MGA: variants seen among roughly 807,000 people sequenced by gnomAD.
MGA encodes MAX dimerization protein MGA.
A neutral mutation model predicts 261.1 loss-of-function variants in MGA; 40 were observed. The observed-to-expected ratio is 0.15, with a 90% confidence interval of 0.12 to 0.20. MGA has a LOEUF of 0.20. Among genes scored for constraint, MGA ranks in the 10% least tolerant of loss-of-function variants. The probability of loss-of-function intolerance (pLI) is 1.00; values close to 1 mark genes in which losing one functional copy is unlikely to be tolerated. For synonymous variants in MGA, 1,302 were observed against 1,290.6 expected (o/e 1.01, Z -0.19); for missense variants, 3,397 against 3,630.5 (o/e 0.94, Z 1.65).
Position 41,707,962 on chromosome 15 carries a change from G to A in MGA, c.2320+103G>A, listed in dbSNP as rs2060201958. The A allele has an allele frequency of 5.6e-6, 8 of 1,421,328 alleles. No individual in the cohort carries two copies. The Admixed American group carries it at 1.9e-4, about 34-fold the overall frequency. The allele number at this position is 1,421,328 out of a possible 1,614,324, so 88.0% of individuals were successfully genotyped here. The stretch of plus-strand genomic sequence containing the variant: ...CCTTTATTGGTGACATTTAACATTA[G>A]TCTAAGATAGATCTTTTGTCTGTTG... On this transcript the variant is annotated intron_variant, in intron 6 of 23. Coordinates refer to ENST00000219905, the MANE Select transcript of MGA (RefSeq NM_001164273.2).
Position 41,749,652 on chromosome 15 carries a change from T to C in MGA, c.6045T>C (p.Ala2015=), listed in dbSNP as rs1219647903. ...TAATAAAACAAAACTCAGGAGCTGC[T>C]ACCTCAGAAGAAACTCTGAATGATT... is the stretch of plus-strand genomic sequence containing the variant. Residue 2015 remains alanine (A), a synonymous_variant, in exon 17 of 24, where the codon GCT becomes GCC. Coordinates refer to ENST00000219905, the MANE Select transcript of MGA (RefSeq NM_001164273.2). 6.2e-7 allele frequency: 1 copy of C among 1,614,026 alleles called. No homozygotes were observed. Among genetic ancestry groups the C allele is most frequent in the Admixed American group, 1.7e-5 (1 of 60,020 alleles).
intron 15 of MGA, among the ~76,000 whole-genome samples, chr15:41,747,841 A>G (rs2062594289): frequency 1.3e-5 from 2 of 152,176 alleles, no homozygotes; most frequent in African/African-American, 2.4e-5. Context: ...ATTTTTTACC[A>G]TTCTAAATGT....
chr15:41,714,500 T>A (rs1227352378), intron 9 of MGA, among the ~76,000 whole-genome samples: 1 of 152,200 alleles, frequency 6.6e-6, no homozygotes, highest in African/African-American at 2.4e-5. Flanking sequence ...ATGCCAGTAG[T>A]CAGATACTGG....
At chr15:41,697,125 T>C (rs1426656582) in intron 3 of MGA, 102 bp downstream of exon 3, 4 of 1,034,678 alleles carry the variant, frequency 3.9e-6, no homozygotes, top group Non-Finnish European at 5.4e-6. Context: ...TTGTGATATC[T>C]ATTTGTGAGG....
intron 11 of MGA, among the ~76,000 whole-genome samples, chr15:41,730,114 G>A (rs747627678): frequency 4.6e-5 from 7 of 152,038 alleles, no homozygotes; most frequent in South Asian, 2.1e-4. Context: ...GGCTGGTCTC[G>A]AACTCCTGAC....
intron 19 of MGA, among the ~76,000 whole-genome samples, chr15:41,759,012 A>G (rs1442531007): frequency 6.6e-6 from 1 of 152,198 alleles, no homozygotes; most frequent in Non-Finnish European, 1.5e-5. Context: ...AAAATGTGAG[A>G]ATACAAATGA....
intron 13 of MGA, among the ~76,000 whole-genome samples, chr15:41,737,565 CTG>C (rs1421379368): frequency 6.6e-6 from 1 of 152,114 alleles, no homozygotes; most frequent in African/African-American, 2.4e-5. Context: ...GTTAGTGTAA[CTG>C]TTGTAGGACA....
intron 9 of MGA, 125 bp downstream of exon 9, chr15:41,713,621 T>C (rs2060487490): frequency 8.7e-7 from 1 of 1,143,472 alleles, no homozygotes; most frequent in Admixed American, 2.9e-5. Context: ...GACTTCTTAT[T>C]ATCCTTACAT....
chr15:41,671,427 G>A (rs1415536287), intron 2 of MGA, among the ~76,000 whole-genome samples: 1 of 151,886 alleles, frequency 6.6e-6, no homozygotes. Context: ...AGGTTCAAGC[G>A]ATTCTCCTGC....
chr15:41,722,760 G>A (rs2061020932), intron 9 of MGA, among the ~76,000 whole-genome samples: 1 of 152,184 alleles, frequency 6.6e-6, no homozygotes, highest in South Asian at 2.1e-4. Context: ...GGCAGTTCTT[G>A]TAGGTCTTCT....
intron 1 of MGA, among the ~76,000 whole-genome samples, chr15:41,661,419 T>G (rs1025851472): frequency 6.7e-6 from 1 of 150,096 alleles, no homozygotes; most frequent in Non-Finnish European, 1.5e-5. Context: ...AGGGATCGTT[T>G]CAGACTGGGT....
In MGA at chr15:41,745,982, A is replaced by G. The variant is rs559500152; in HGVS notation, c.5213-2655A>G. Among the ~76,000 whole-genome samples the G allele has an allele frequency of 3.9e-5, 6 of 152,250 alleles. No individual in the cohort carries two copies. In the South Asian group the frequency reaches 1.2e-3, roughly 32 times the overall value. On this transcript the variant is annotated intron_variant, in intron 15 of 23. Transcript: ENST00000219905. ...TGACTCAGGTAACTGCTACTTAAGG[A>G]AGTGTGTGTAATTTTTTTCTCTATT...
Position 41,698,949 on chromosome 15 carries a change from A to G in MGA, c.2092+8A>G, listed in dbSNP as rs752968991. 29 of 1,547,306 alleles carry G rather than the reference A, an allele frequency of 1.9e-5. No homozygotes were observed. The highest frequency in any genetic ancestry group is 2.5e-5 in the Non-Finnish European group (29 of 1,143,804). On this transcript the variant is annotated splice_region_variant and intron_variant, in intron 4 of 23. Transcript: ENST00000219905. Reference sequence around the variant, plus strand: ...CAACCACAAATGACTCAGGTATTATAAAATAGTATAAAAAGAGTTGTATTT... The same window carrying G: ...CAACCACAAATGACTCAGGTATTATGAAATAGTATAAAAAGAGTTGTATTT...
intron 1 of MGA, among the ~76,000 whole-genome samples, chr15:41,642,316 T>G (rs2056837697): frequency 6.6e-6 from 1 of 151,672 alleles, no homozygotes; most frequent in Non-Finnish European, 1.5e-5. Context: ...GTGGTGTTTT[T>G]TTTTTTTTTT....
chr15:41,676,106 A>T (rs1462462762), intron 2 of MGA, among the ~76,000 whole-genome samples: 1 of 152,134 alleles, frequency 6.6e-6, no homozygotes, highest in African/African-American at 2.4e-5. Context: ...TTTCTGGCAC[A>T]TATATTTTTC....
chr15:41,704,643 G>C (rs755622175), intron 5 of MGA, among the ~76,000 whole-genome samples: 29 of 152,314 alleles, frequency 1.9e-4, no homozygotes, highest in Non-Finnish European at 2.9e-4. Context: ...GGGTGACAGA[G>C]CAAGACTCCG....
chr15:41,661,563 T>C (rs750098351), intron 1 of MGA, among the ~76,000 whole-genome samples: 1 of 152,114 alleles, frequency 6.6e-6, no homozygotes, highest in African/African-American at 2.4e-5. Context: ...GGGTTACTGA[T>C]GGCAGACCAA....
rs1277411767 is a variant in MGA, at chr15:41,743,059, T to C, written c.5099T>C (p.Val1700Ala). 6.2e-7 allele frequency: 1 copy of C among 1,613,892 alleles called. No individual in the cohort carries two copies. The highest frequency in any genetic ancestry group is 1.3e-5 in the African/African-American group (1 of 74,924). The change falls in exon 15 of 24, where the codon GTG becomes GCG. Residue 1700 changes from valine to alanine, a missense_variant. Physicochemically the swap from Val to Ala is moderately conservative, Grantham distance 64. Around this residue, in one of 9 missense-constraint regions of MGA, gnomAD observed 1,410 missense variants for 1,386.4 expected, o/e 1.02. Coordinates refer to ENST00000219905, the MANE Select transcript of MGA (RefSeq NM_001164273.2). ...TCCACTGCTTCCACCTCCTTAGTCGTGGTGACTGCAGCTGCATCTTCCTCC... is the reference window on the plus strand; with the variant it reads ...TCCACTGCTTCCACCTCCTTAGTCGCGGTGACTGCAGCTGCATCTTCCTCC...
chr15:41,652,798 G>A (rs2057094595), intron 1 of MGA, among the ~76,000 whole-genome samples: 1 of 151,836 alleles, frequency 6.6e-6, no homozygotes, highest in Admixed American at 6.6e-5. Context: ...TTCCCCAGGG[G>A]ACTTGTTTTT....
Sources: gnomAD v4.1 joint callset for allele counts (sites outside exome capture counted in the v4.1 genomes callset) on GRCh38, gnomAD v4.1.1 for gene constraint, gnomAD v4.1.1 regional missense constraint, MANE v1.5 for transcripts, NCBI Gene and HGNC (gene_info 2026-07-23, HGNC 2026-07-21) for gene names.